ATAD2B: variants seen among roughly 807,000 people sequenced by gnomAD.
The protein encoded by ATAD2B is ATPase family AAA domain-containing protein 2B.
ATAD2B carries 40 observed loss-of-function variants against 167.6 expected under a neutral mutation model. The observed-to-expected ratio is 0.24, with a 90% CI of 0.19 to 0.31. The LOEUF (loss-of-function observed/expected upper bound fraction) is 0.31, where lower values mean the gene tolerates loss of function less well. Among genes scored for constraint, ATAD2B ranks in the 10% least tolerant of loss-of-function variants. The pLI is 1.00. For missense variants in ATAD2B, 1,242 were observed against 1,757.2 expected (o/e 0.71, Z 5.24); for synonymous variants, 579 against 596.5 (o/e 0.97, Z 0.43).
chr2:23,926,496 A>G, intron 1 of ATAD2B, 59 bp downstream of exon 1: 1 of 1,514,930 alleles, frequency 6.6e-7, no homozygotes, highest in Non-Finnish European at 8.8e-7. Flanking sequence ...GGCCAGACAA[A>G]GCCCCGGCAG....
intron 13 of ATAD2B, among the ~76,000 whole-genome samples, chr2:23,854,176 T>C (rs185346897): frequency 6.6e-4 from 99 of 150,744 alleles, no homozygotes; most frequent in African/African-American, 2.3e-3. Flanking sequence ...ACCTGGGAGG[T>C]GGAGGCTACA....
chr2:23,726,267 T>C, the ATAD2B span, among the ~76,000 whole-genome samples: 1 of 152,336 alleles, frequency 6.6e-6, no homozygotes, highest in South Asian at 2.1e-4. Flanking sequence ...TGCTGACTCC[T>C]GTGTAGTCAA....
chr2:23,830,174 G>A (rs1326692948), intron 14 of ATAD2B, among the ~76,000 whole-genome samples: 1 of 152,046 alleles, frequency 6.6e-6, no homozygotes, highest in Non-Finnish European at 1.5e-5. Flanking sequence ...AGTAGAGACG[G>A]AGTTTCACCA....
intron 1 of ATAD2B, among the ~76,000 whole-genome samples, chr2:23,914,667 G>A (rs752320090): frequency 1.3e-5 from 2 of 151,266 alleles, no homozygotes; most frequent in Admixed American, 6.6e-5. Flanking sequence ...GCGAAACCCC[G>A]TCTCTACTAA....
intron 18 of ATAD2B, among the ~76,000 whole-genome samples, chr2:23,803,962 C>G (rs775276265): frequency 1.3e-5 from 2 of 152,114 alleles, no homozygotes; most frequent in Non-Finnish European, 2.9e-5. Context: ...AGACTAAACC[C>G]TTATATTACA....
At chr2:23,700,684 A>C in the ATAD2B span, among the ~76,000 whole-genome samples, 1 of 152,036 alleles carries the variant, frequency 6.6e-6, no homozygotes, top group Non-Finnish European at 1.5e-5. This position sits in a 1 kb window ranked among gnomAD's most constrained non-coding sequence, Gnocchi z 4.6. Context: ...GTGCCTCTTC[A>C]CAGCTAAATT....
chr2:23,801,501 T>C (rs576860465), intron 18 of ATAD2B, among the ~76,000 whole-genome samples: 1 of 151,704 alleles, frequency 6.6e-6, no homozygotes, highest in African/African-American at 2.4e-5. Flanking sequence ...AGAAAAACTG[T>C]TATAGAAAAA....
intron 13 of ATAD2B, among the ~76,000 whole-genome samples, chr2:23,852,841 C>T (rs181689010): frequency 9.7e-4 from 148 of 151,948 alleles, no homozygotes; most frequent in African/African-American, 3.5e-3. Flanking sequence ...ATCACTTGAA[C>T]CCAGGAGGTG....
chr2:23,696,696 G>A, the ATAD2B span: 5 of 557,786 alleles, frequency 9.0e-6, no homozygotes, highest in Non-Finnish European at 1.6e-5. This position sits in a 1 kb window ranked among gnomAD's most constrained non-coding sequence, Gnocchi z 5.5. Context: ...TGGGATACAA[G>A]CAGATGGGAT....
the ATAD2B span, among the ~76,000 whole-genome samples, chr2:23,687,459 C>A: frequency 1.3e-5 from 2 of 152,364 alleles, no homozygotes; most frequent in South Asian, 2.1e-4. Context: ...CCCACAGCCA[C>A]AGGACAGAAT....
intron 1 of ATAD2B, among the ~76,000 whole-genome samples, chr2:23,917,166 T>G (rs952263438): frequency 3.3e-5 from 5 of 152,200 alleles, no homozygotes; most frequent in African/African-American, 1.2e-4. Context: ...TGCTCGATAT[T>G]TACTGAATGA....
the ATAD2B span, among the ~76,000 whole-genome samples, chr2:23,721,852 T>C: frequency 6.6e-6 from 1 of 152,240 alleles, no homozygotes; most frequent in African/African-American, 2.4e-5. Flanking sequence ...GACCCCAAGC[T>C]GGCTGTCCCA....
chr2:23,910,111 A>C (rs899651506), intron 1 of ATAD2B, among the ~76,000 whole-genome samples: 1 of 150,578 alleles, frequency 6.6e-6, no homozygotes, highest in Non-Finnish European at 1.5e-5. Flanking sequence ...TGATCCTCCA[A>C]CCTTGGCCTC....
Position 23,926,600 on chromosome 2 carries a change from T to C in ATAD2B, c.171A>G (p.Lys57=). ...CGCCGGCGCCACCGCTTCCCCCGGC[T>C]TTGGCGGCGGGGCAGCTGGCGGCGC... The part of the protein sequence containing the change: ...KTRAASCPAA[K]AGGSGGAGVT... The change falls in exon 1 of 28, where the codon AAA becomes AAG. Residue 57 remains lysine, a synonymous_variant. Transcript: ENST00000238789. 2 of 1,563,964 alleles carry C rather than the reference T, an allele frequency of 1.3e-6. No homozygotes were observed. The highest frequency in any genetic ancestry group is 8.7e-7 in the Non-Finnish European group (1 of 1,155,754).
At chr2:23,847,325 GAAACCCTGTCTCTACTAAAAATGAAA>G (rs1691814369) in intron 13 of ATAD2B, among the ~76,000 whole-genome samples, 1 of 151,534 alleles carries the variant, frequency 6.6e-6, no homozygotes, top group African/African-American at 2.4e-5. Context: ...CCAATATGGT[GAAACCCTGTCTCTACTAAAAATGAAA>G]AAATTAGCCA....
chr2:23,791,391 G>C (rs1201912460), intron 19 of ATAD2B, among the ~76,000 whole-genome samples: 3 of 151,874 alleles, frequency 2.0e-5, no homozygotes, highest in African/African-American at 7.3e-5. Flanking sequence ...AGTATATAAG[G>C]ACTCCAGTTT....
the ATAD2B span, among the ~76,000 whole-genome samples, chr2:23,736,935 T>C: frequency 5.6e-4 from 85 of 152,276 alleles, no homozygotes; most frequent in African/African-American, 1.9e-3. Flanking sequence ...CCAAGGAGTC[T>C]CCCTCATTGC....
At chr2:23,885,291 G>A (rs530969606) in intron 5 of ATAD2B, among the ~76,000 whole-genome samples, 18 of 152,248 alleles carry the variant, frequency 1.2e-4, no homozygotes, top group African/African-American at 3.4e-4. Context: ...TTGAAACAAA[G>A]GTAGAACTGC....
At chr2:23,878,502 C>CA (rs1390033459) in intron 7 of ATAD2B, among the ~76,000 whole-genome samples, 1 of 147,730 alleles carries the variant, frequency 6.8e-6, no homozygotes, top group Non-Finnish European at 1.5e-5. Flanking sequence ...ACTAAAAACA[C>CA]AAAAAAATTA....
Sources: allele counts gnomAD v4.1 joint callset (sites outside exome capture counted in the v4.1 genomes callset), GRCh38; gene constraint gnomAD v4.1.1; non-coding constraint Gnocchi (gnomAD v3.1); transcripts MANE v1.5; gene names NCBI Gene and HGNC (gene_info 2026-07-23, HGNC 2026-07-21).